PTPRN2: variants seen among roughly 807,000 people sequenced by gnomAD.
PTPRN2 encodes protein tyrosine phosphatase receptor type N2.
A neutral mutation model predicts 118.8 loss-of-function variants in PTPRN2; 74 were observed. The observed-to-expected ratio is 0.62, with a 90% CI of 0.52 to 0.76. The LOEUF is 0.76. PTPRN2 is among the 30% of genes least tolerant of loss of function. The pLI, the probability that PTPRN2 is intolerant of heterozygous loss-of-function variation, is 0.00. For synonymous variants in PTPRN2, 641 were observed against 608.0 expected (o/e 1.05, Z -0.80); for missense variants, 1,481 against 1,394.4 (o/e 1.06, Z -0.99).
rs1805300187 is a variant in PTPRN2 at position 157,801,473 on chromosome 7, A to AT, written c.1788+97199dup. ...CCTCCCCGTGAGAGCAGCTGCATGG[A>AT]TTTTTTTAATGTCAAATTCCATATG... On this transcript the variant is annotated intron_variant, in intron 12 of 22. Coordinates refer to ENST00000389418, the MANE Select transcript of PTPRN2 (RefSeq NM_002847.5). This position sits in a 1 kb window ranked among gnomAD's most constrained non-coding sequence, Gnocchi z 4.2. 6.6e-6 allele frequency among the ~76,000 whole-genome samples: 1 copy of AT among 152,032 alleles called. No homozygotes were observed. The highest frequency in any genetic ancestry group is 2.4e-5 in the African/African-American group (1 of 41,382).
chr7:157,969,871 C>T (rs762630635), intron 11 of PTPRN2, among the ~76,000 whole-genome samples: 22 of 151,866 alleles, frequency 1.4e-4, no homozygotes, highest in Non-Finnish European at 2.4e-4. Flanking sequence ...AAGAAATGAA[C>T]GGAGGGTCTT....
rs370723272 is a variant in PTPRN2, at chr7:158,138,426, C to T, written c.1000G>A (p.Glu334Lys). The change falls in exon 7 of 23, where the codon GAG becomes AAG. Residue 334 changes from glutamate (E) to lysine (K), a missense_variant. Physicochemically the swap from Glu to Lys is moderately conservative, Grantham distance 56. This residue lies in a region of PTPRN2 where 1,115 missense variants were observed against 994.2 expected (regional missense o/e 1.12). Coordinates refer to ENST00000389418, the MANE Select transcript of PTPRN2 (RefSeq NM_002847.5). ...CCTTGCATCAGGCCAGCCATCAGCT[C>T]AGCCATGCCGTCCAGCTCCAGGCCA... ...LSGLELDGMA[E>K]LMAGLMQGVD... 428 of 1,613,546 alleles carry T rather than the reference C, an allele frequency of 2.7e-4. No homozygotes were observed. Among genetic ancestry groups the T allele is most frequent in the Non-Finnish European group, 3.4e-4 (401 of 1,179,920 alleles).
chr7:158,401,994 A>C (rs1034708843), intron 2 of PTPRN2, among the ~76,000 whole-genome samples: 5 of 151,794 alleles, frequency 3.3e-5, no homozygotes, highest in African/African-American at 1.2e-4. Flanking sequence ...AGCCAGGGAG[A>C]GGTGGGAAAC....
chr7:157,576,560 C>T, intron 19 of PTPRN2, 53 bp downstream of exon 19: 1 of 1,520,420 alleles, frequency 6.6e-7, no homozygotes, highest in African/African-American at 1.4e-5. Context: ...GCCTCGCTCC[C>T]CTGTGCCGCG....
At chr7:157,740,940 C>T (rs1449657808) in intron 12 of PTPRN2, among the ~76,000 whole-genome samples, 2 of 152,202 alleles carry the variant, frequency 1.3e-5, no homozygotes, top group East Asian at 1.9e-4. Context: ...ACCCATGGGC[C>T]ACTTTGTTCC....
intron 11 of PTPRN2, among the ~76,000 whole-genome samples, chr7:157,928,430 T>C (rs1476977382): frequency 6.6e-6 from 1 of 151,908 alleles, no homozygotes; most frequent in African/African-American, 2.4e-5. Flanking sequence ...AAGAGAAAAA[T>C]GGTAGGCCCT....
At chr7:157,734,414 A>G (rs935313031) in intron 12 of PTPRN2, among the ~76,000 whole-genome samples, 1 of 152,232 alleles carries the variant, frequency 6.6e-6, no homozygotes, top group African/African-American at 2.4e-5. Context: ...GGAAAACCCA[A>G]TTCAGCTTTT....
chr7:157,758,176 GGAA>G (rs1801916429), intron 12 of PTPRN2, among the ~76,000 whole-genome samples: 1 of 152,378 alleles, frequency 6.6e-6, no homozygotes, highest in Admixed American at 6.5e-5. Context: ...CCGGTTGCGG[GGAA>G]GAAAAGGGCC....
chr7:157,860,767 CAT>C (rs1810173899), intron 12 of PTPRN2, among the ~76,000 whole-genome samples: 1 of 152,228 alleles, frequency 6.6e-6, no homozygotes, highest in African/African-American at 2.4e-5. Flanking sequence ...TACAAATACA[CAT>C]AGTTAAAATG....
At chr7:158,541,785 G>A in intron 1 of PTPRN2, 2 of 975,794 alleles carry the variant, frequency 2.0e-6, no homozygotes, top group Non-Finnish European at 2.4e-6. Context: ...GGAAGTATCA[G>A]AGGAGAAGGG....
intron 11 of PTPRN2, among the ~76,000 whole-genome samples, chr7:157,941,778 C>A (rs1242583976): frequency 6.6e-6 from 1 of 152,178 alleles, no homozygotes; most frequent in African/African-American, 2.4e-5. Flanking sequence ...CCAGCTGCTG[C>A]CAAGGTCTCC....
chr7:157,678,970 C>T (rs1430689869), intron 13 of PTPRN2, among the ~76,000 whole-genome samples: 2 of 151,434 alleles, frequency 1.3e-5, no homozygotes, highest in Non-Finnish European at 2.9e-5. Context: ...CAGTTTTTAC[C>T]CAATCACCTT....
intron 12 of PTPRN2, among the ~76,000 whole-genome samples, chr7:157,754,924 G>A (rs367579062): frequency 1.5e-4 from 23 of 152,276 alleles, no homozygotes; most frequent in South Asian, 8.3e-4. Context: ...TCACTCTGTC[G>A]CCCAGGCTGG....
Position 157,929,182 on chromosome 7 carries a change from G to A in PTPRN2, c.1724-30445C>T, listed in dbSNP as rs1417749655. 2.0e-5 allele frequency among the ~76,000 whole-genome samples: 3 copies of A among 152,126 alleles called. No homozygotes were observed. In the East Asian group the frequency reaches 5.8e-4, roughly 29 times the overall value. The stretch of plus-strand genomic sequence containing the variant: ...CAGCCAGCTGGTCAACACATGCTGC[G>A]TTAGCAAATGCTGAAGGCAGGGTCG... On this transcript the variant is annotated intron_variant, in intron 11 of 22. Coordinates refer to ENST00000389418, the MANE Select transcript of PTPRN2 (RefSeq NM_002847.5). This position sits in a 1 kb window ranked among gnomAD's most constrained non-coding sequence, Gnocchi z 4.4.
chr7:157,657,365 CACAT>C (rs1386736915), intron 13 of PTPRN2, among the ~76,000 whole-genome samples: 2 of 137,510 alleles, frequency 1.5e-5, no homozygotes, highest in Non-Finnish European at 3.1e-5. Flanking sequence ...ACACACATCA[CACAT>C]ATACACACAC....
intron 19 of PTPRN2, among the ~76,000 whole-genome samples, chr7:157,575,131 A>G (rs895784295): frequency 6.6e-6 from 1 of 152,216 alleles, no homozygotes; most frequent in Non-Finnish European, 1.5e-5. Context: ...GGACATAGCA[A>G]CGTGCCCATA....
intron 2 of PTPRN2, among the ~76,000 whole-genome samples, chr7:158,448,492 G>A (rs1268888022): frequency 6.6e-6 from 1 of 152,124 alleles, no homozygotes; most frequent in Non-Finnish European, 1.5e-5. Context: ...CAGTGCAGGA[G>A]GGTGGGGTGG....
intron 3 of PTPRN2, among the ~76,000 whole-genome samples, chr7:158,291,105 G>C (rs555938487): frequency 6.6e-6 from 1 of 152,366 alleles, no homozygotes; most frequent in Non-Finnish European, 1.5e-5. Context: ...GGCAGGAGGA[G>C]TTTCCAAGGC....
intron 3 of PTPRN2, among the ~76,000 whole-genome samples, chr7:158,302,991 A>G (rs1415698207): frequency 6.6e-6 from 1 of 152,216 alleles, no homozygotes; most frequent in East Asian, 1.9e-4. Flanking sequence ...ACAAGAATGT[A>G]AAAATGTAAA....
Sources: gnomAD v4.1 joint callset for allele counts (sites outside exome capture counted in the v4.1 genomes callset) on GRCh38, gnomAD v4.1.1 for gene constraint, gnomAD v4.1.1 regional missense constraint, Gnocchi (gnomAD v3.1) non-coding constraint, MANE v1.5 for transcripts, NCBI Gene and HGNC (gene_info 2026-07-23, HGNC 2026-07-21) for gene names.